The following FRMD4A variants were observed in gnomAD, a reference collection of about 807,000 sequenced individuals.
FRMD4A encodes the protein FERM domain-containing protein 4A.
Under a neutral mutation model 129.1 loss-of-function variants are expected in FRMD4A, and 29 were observed. That is an observed-to-expected ratio of 0.22 (90% CI 0.17 to 0.31). The LOEUF is 0.31. FRMD4A is among the 10% of genes least tolerant of loss of function. The pLI is 1.00. For missense variants in FRMD4A, 1,272 were observed against 1,375.8 expected, an observed-to-expected ratio of 0.92 and a Z score of 1.19; for synonymous variants, 634 against 571.6, an observed-to-expected ratio of 1.11 and a Z score of -1.56.
intron 2 of FRMD4A, among the ~76,000 whole-genome samples, chr10:14,152,819 G>A (rs1015168731): frequency 2.0e-5 from 3 of 152,030 alleles, no homozygotes; most frequent in African/African-American, 4.8e-5. Flanking sequence ...CAGCCTAAAT[G>A]ACAGAGCAAC....
At chr10:13,985,159 G>A (rs1164752093) in intron 2 of FRMD4A, among the ~76,000 whole-genome samples, 1 of 152,242 alleles carries the variant, frequency 6.6e-6, no homozygotes, top group Non-Finnish European at 1.5e-5. Flanking sequence ...TGCTTGGTTT[G>A]CCTTCGCATT....
chr10:13,684,792 C>G lies in FRMD4A; in HGVS notation c.1117+9106G>C, dbSNP rs947036513. The G allele has an allele frequency of 1.7e-5, 17 of 981,416 alleles. No homozygotes were observed. In the South Asian group the frequency reaches 6.6e-4, roughly 38 times the overall value. The allele number at this position is 981,416 out of a possible 1,614,324, so 60.8% of individuals were successfully genotyped here. A position where few individuals can be genotyped will look rare whatever the true frequency, so the allele number is the denominator to read the frequency against. The stretch of plus-strand genomic sequence containing the variant: ...GAAGGAGGGGAAACTTCAAAGCAAA[C>G]AATGCTCCAAAGAAGAAAGGAATCG... On this transcript the variant is annotated intron_variant, in intron 15 of 24. Transcript: ENST00000357447.
At chr10:14,220,892 C>T (rs1026553049) in intron 2 of FRMD4A, among the ~76,000 whole-genome samples, 9 of 151,592 alleles carry the variant, frequency 5.9e-5, no homozygotes, top group African/African-American at 1.9e-4. Context: ...ACCAGGAACT[C>T]TACTGTATTG....
At chr10:13,818,162 T>C (rs758250315) in intron 3 of FRMD4A, among the ~76,000 whole-genome samples, 1 of 152,024 alleles carries the variant, frequency 6.6e-6, no homozygotes, top group Non-Finnish European at 1.5e-5. Context: ...ATTATTTATG[T>C]TATTATTATT....
At chr10:13,712,324 C>A (rs906689299) in intron 12 of FRMD4A, among the ~76,000 whole-genome samples, 2 of 152,160 alleles carry the variant, frequency 1.3e-5, no homozygotes, top group Non-Finnish European at 2.9e-5. Context: ...GAGCTCGAGA[C>A]CAGCCTTGTC....
At chr10:14,235,423 C>T (rs1453870398) in intron 2 of FRMD4A, among the ~76,000 whole-genome samples, 1 of 152,128 alleles carries the variant, frequency 6.6e-6, no homozygotes, top group Admixed American at 6.5e-5. Flanking sequence ...GCTGGGATTA[C>T]AGGCGTGAGC....
At chr10:14,127,921 T>G (rs1231971711) in intron 2 of FRMD4A, among the ~76,000 whole-genome samples, 10 of 3,650 alleles carry the variant, frequency 2.7e-3, no homozygotes, top group African/African-American at 0.02. Flanking sequence ...TTTCTTTCTT[T>G]CTTTCTTTCT....
intron 2 of FRMD4A, among the ~76,000 whole-genome samples, chr10:13,980,893 G>A (rs1178183255): frequency 6.6e-6 from 1 of 152,196 alleles, no homozygotes; most frequent in Non-Finnish European, 1.5e-5. Context: ...GGTCCATGGA[G>A]ATTGGATTAG....
intron 2 of FRMD4A, among the ~76,000 whole-genome samples, chr10:14,280,404 C>A (rs964176694): frequency 6.6e-6 from 1 of 152,098 alleles, no homozygotes. Flanking sequence ...CTTCAGCCCC[C>A]TGATTAGCTG....
At position 13,770,548 on chromosome 10, in the gene FRMD4A, A is replaced by G. The variant is rs568264808; in HGVS notation, c.385-7868T>C. ...AGCCTTGAACTCCTGAGCTCAAGTG[A>G]TCCTCCTGCCTCAGCCTCCTGGGTA... On this transcript the variant is annotated intron_variant, in intron 6 of 24. Coordinates refer to ENST00000357447, the MANE Select transcript of FRMD4A (RefSeq NM_018027.5). 5.0e-4 allele frequency among the ~76,000 whole-genome samples: 76 copies of G among 152,232 alleles called. 1 individual carries two copies. The highest frequency in any genetic ancestry group is 5.0e-3 in the Admixed American group (76 of 15,298).
chr10:13,661,004 T>C (rs774696303), intron 19 of FRMD4A, among the ~76,000 whole-genome samples: 2 of 152,110 alleles, frequency 1.3e-5, no homozygotes, highest in Admixed American at 6.5e-5. Context: ...AGCCGACACA[T>C]AGTAGGTGCT....
chr10:14,185,682 G>C lies in FRMD4A; in HGVS notation c.45+144376C>G, dbSNP rs142009232. 7.6e-4 allele frequency among the ~76,000 whole-genome samples: 115 copies of C among 152,316 alleles called. 1 individual carries two copies. The highest frequency in any genetic ancestry group is 2.7e-3 in the African/African-American group (111 of 41,562). On this transcript the variant is annotated intron_variant, in intron 2 of 24. Transcript: ENST00000357447. The stretch of plus-strand genomic sequence containing the variant: ...TAGCTGTGCAGATGAGCAGAAGAGA[G>C]GATAGCAGCAGCTCAACAGTGGCAC...
At chr10:13,924,036 C>T (rs1219376248) in intron 2 of FRMD4A, among the ~76,000 whole-genome samples, 2 of 152,200 alleles carry the variant, frequency 1.3e-5, no homozygotes. Context: ...AGGGGAGAGG[C>T]AGTGGAGGCT....
chr10:14,051,613 G>A (rs1050326134), intron 2 of FRMD4A, among the ~76,000 whole-genome samples: 1 of 152,224 alleles, frequency 6.6e-6, no homozygotes, highest in Non-Finnish European at 1.5e-5. Context: ...GGTTGACACT[G>A]GCAGATTCAG....
At chr10:13,773,055 T>A (rs4750411) in intron 6 of FRMD4A, among the ~76,000 whole-genome samples, 3 of 152,050 alleles carry the variant, frequency 2.0e-5, no homozygotes, top group Non-Finnish European at 2.9e-5. Flanking sequence ...CAAAATATCT[T>A]ATGTACCCCA....
At chr10:13,754,262 G>A (rs55830730) in intron 8 of FRMD4A, among the ~76,000 whole-genome samples, 15,938 of 150,448 alleles carry the variant, frequency 0.11, 1,234 homozygotes, top group Non-Finnish European at 0.16. Flanking sequence ...TAAGCAATTC[G>A]CATAGAATTT....
chr10:14,033,026 G>C (rs547999027), intron 2 of FRMD4A, among the ~76,000 whole-genome samples: 5 of 152,266 alleles, frequency 3.3e-5, no homozygotes, highest in South Asian at 4.1e-4. Context: ...AATTGTATTG[G>C]CTGGGCGCGG....
At chr10:13,669,300 G>C (rs1290386888) in intron 17 of FRMD4A, among the ~76,000 whole-genome samples, 46 of 152,176 alleles carry the variant, frequency 3.0e-4, no homozygotes. Flanking sequence ...GACCTCAAGT[G>C]ATCTGCGCAC....
chr10:13,935,931 G>A (rs2095245832), intron 2 of FRMD4A, among the ~76,000 whole-genome samples: 1 of 152,208 alleles, frequency 6.6e-6, no homozygotes, highest in Admixed American at 6.5e-5. Flanking sequence ...GCCCTGACCA[G>A]GATGTGTCTC....
Sources: allele counts gnomAD v4.1 joint callset (sites outside exome capture counted in the v4.1 genomes callset), GRCh38; gene constraint gnomAD v4.1.1; transcripts MANE v1.5; gene names NCBI Gene and HGNC (gene_info 2026-07-23, HGNC 2026-07-21).